Variants in OTUD1 observed in about 807,000 individuals in gnomAD.
The protein encoded by OTUD1 is OTU domain-containing protein 1.
OTUD1 carries 15 observed loss-of-function variants against 30.0 expected under a neutral mutation model. The ratio of observed to expected loss-of-function variants is 0.50; its 90% CI spans 0.33 to 0.77. The LOEUF (loss-of-function observed/expected upper bound fraction) is 0.77, where lower values mean the gene tolerates loss of function less well. Ranked by LOEUF, OTUD1 falls within the 30% of genes least tolerant of loss-of-function variation. OTUD1 has a pLI of 0.02. For missense variants in OTUD1, 796 were observed against 697.8 expected (o/e 1.14, Z -1.59); for synonymous variants, 381 against 326.3 (o/e 1.17, Z -1.81).
In OTUD1 at chr10:23,441,061, GC is replaced by G. The variant is rs1426581179; in HGVS notation, c.*159del. On this transcript the variant is annotated 3_prime_UTR_variant, in exon 1 of 1. Transcript: ENST00000376495. The stretch of plus-strand genomic sequence containing the variant: ...TCATCTTTTTGAATGTTTTCTCAGA[GC>G]TGGAGGTTGCTGGGCACCTAAATGA... The G allele has an allele frequency of 5.1e-6, 4 of 778,598 alleles. No homozygotes were observed. In the African/African-American group the frequency reaches 7.1e-5, roughly 14 times the overall value. 48.2% of individuals were successfully genotyped at this position (778,598 alleles called of 1,614,324 possible).
rs1212761723 is a variant in OTUD1 at position 23,439,830 on chromosome 10, C to T, written c.373C>T (p.Leu125=). 8.9e-7 allele frequency: 1 copy of T among 1,123,678 alleles called. No individual in the cohort carries two copies. Among genetic ancestry groups the T allele is most frequent in the Non-Finnish European group, 1.1e-6 (1 of 922,136 alleles). The allele number at this position is 1,123,678 out of a possible 1,614,324, so 69.6% of individuals were successfully genotyped here. A position where few individuals can be genotyped will look rare whatever the true frequency, so the allele number is the denominator to read the frequency against. Residue 125 remains leucine (L), a synonymous_variant, in exon 1 of 1, where the codon CTG becomes TTG. Coordinates refer to ENST00000376495, the MANE Select transcript of OTUD1 (RefSeq NM_001145373.3). ...GCGGGCCCTGGGCGCCGACAGGCTC[C>T]TGCTGCACGGGCCCGATCCCGTTCC... ...TVRALGADRL[L]LHGPDPVPGA...
rs1353764246 is a variant in OTUD1, at chr10:23,439,099, C to T, written c.-359C>T. Among the ~76,000 whole-genome samples, 1 of 150,598 alleles carries T rather than the reference C, an allele frequency of 6.6e-6. No individual in the cohort carries two copies. Among genetic ancestry groups the T allele is most frequent in the African/African-American group, 2.4e-5 (1 of 41,278 alleles). The stretch of plus-strand genomic sequence containing the variant: ...CCTCCGCGCGCACCGCGCTCCTCCT[C>T]GCCGGCGGGACGCGCTCCAACGGGG... On this transcript the variant is annotated 5_prime_UTR_variant, in exon 1 of 1. Coordinates refer to ENST00000376495, the MANE Select transcript of OTUD1 (RefSeq NM_001145373.3).
rs529636634 is a variant in OTUD1 at position 23,440,458 on chromosome 10, G to T, written c.1001G>T (p.Ser334Ile). 1.7e-5 allele frequency: 26 copies of T among 1,551,630 alleles called. No homozygotes were observed. The highest frequency in any genetic ancestry group is 2.3e-5 in the Non-Finnish European group (26 of 1,147,016). The change falls in exon 1 of 1, where the codon AGC becomes ATC. Residue 334 changes from serine (S) to isoleucine (I), a missense_variant. By Grantham distance (142) the Ser-to-Ile change is moderately radical. Coordinates refer to ENST00000376495, the MANE Select transcript of OTUD1 (RefSeq NM_001145373.3). ...AGCAAGACGGTGTATGGGGACCAGA[G>T]CCTGCACCGGGAGTTGAGGGAGCAG... ...AVSKTVYGDQ[S>I]LHRELREQTV...
Position 23,439,195 on chromosome 10 carries a change from G to C in OTUD1, c.-263G>C, listed in dbSNP as rs1254248247. On this transcript the variant is annotated 5_prime_UTR_variant, in exon 1 of 1. Coordinates refer to ENST00000376495, the MANE Select transcript of OTUD1 (RefSeq NM_001145373.3). ...GCAGCTGCAGCGGGCGCGGCGCCCC[G>C]GGTCTGCGGGCCGAGCGCACCGGCA... 5.0e-4 allele frequency among the ~76,000 whole-genome samples: 75 copies of C among 151,280 alleles called. 1 individual carries two copies. In the East Asian group the frequency reaches 0.014, roughly 28 times the overall value.
Position 23,439,519 on chromosome 10 carries a change from C to T in OTUD1, c.62C>T (p.Ala21Val), listed in dbSNP as rs1365792343. 2 of 1,369,206 alleles carry T rather than the reference C, an allele frequency of 1.5e-6. No homozygotes were observed. Among genetic ancestry groups the T allele is most frequent in the Non-Finnish European group, 1.9e-6 (2 of 1,060,938 alleles). 84.8% of individuals were successfully genotyped at this position (1,369,206 alleles called of 1,614,324 possible). A position where few individuals can be genotyped will look rare whatever the true frequency, so the allele number is the denominator to read the frequency against. ...GCCGGGGCCCCGGGTCCCACGGCCG[C>T]CGCCCCCGCGCCACCCGCCGCCGCT... ...YPAGAPGPTAAAPAPPAAATP... is the reference protein window; with the variant it reads ...YPAGAPGPTAVAPAPPAAATP... Residue 21 changes from alanine (A) to valine (V), a missense_variant, in exon 1 of 1, where the codon GCC (alanine) becomes GTC (valine). Transcript: ENST00000376495.
Position 23,439,415 on chromosome 10 carries a change from G to C in OTUD1, c.-43G>C, listed in dbSNP as rs1479287334. On this transcript the variant is annotated 5_prime_UTR_variant, in exon 1 of 1. Transcript: ENST00000376495. ...GCCCGGAGGGTGTGTCCCCCGCTCC[G>C]GGGCTCGCCGCGCCTATAAGGGGCC... 9 of 1,238,722 alleles carry C rather than the reference G, an allele frequency of 7.3e-6. No individual in the cohort carries two copies. The East Asian group carries it at 2.4e-4, about 33-fold the overall frequency. The allele number at this position is 1,238,722 out of a possible 1,614,324, so 76.7% of individuals were successfully genotyped here.
At position 23,440,325 on chromosome 10, in the gene OTUD1, C is replaced by A. The variant is rs1847114033; in HGVS notation, c.868C>A (p.Leu290Met). Residue 290 changes from leucine (L) to methionine (M), a missense_variant, in exon 1 of 1, where the codon CTG becomes ATG. Physicochemically the swap from Leu to Met is conservative, Grantham distance 15. Coordinates refer to ENST00000376495, the MANE Select transcript of OTUD1 (RefSeq NM_001145373.3). ...CAGGTCGGATCCCAGAGACGAGAAG[C>A]TGGCCCTATACCTGGCCGAGGTGGA... ...VSRSDPRDEK[L>M]ALYLAEVEKQ... 7 of 1,551,266 alleles carry A rather than the reference C, an allele frequency of 4.5e-6. No homozygotes were observed. The highest frequency in any genetic ancestry group is 6.1e-6 in the Non-Finnish European group (7 of 1,146,914).
Position 23,440,423 on chromosome 10 carries a change from C to A in OTUD1, c.966C>A (p.Tyr322Ter). 1 of 1,551,710 alleles carries A rather than the reference C, an allele frequency of 6.4e-7. No homozygotes were observed. The highest frequency in any genetic ancestry group is 8.7e-7 in the Non-Finnish European group (1 of 1,147,006). The change falls in exon 1 of 1, where the codon TAC becomes TAA. Residue 322 changes from tyrosine to a stop codon, truncating the protein, a stop_gained. Coordinates refer to ENST00000376495, the MANE Select transcript of OTUD1 (RefSeq NM_001145373.3). LOFTEE classifies it high-confidence loss of function. The stretch of plus-strand genomic sequence containing the variant: ...TCATTCCAGACGGCAACTGCCTCTA[C>A]CGAGCTGTCAGCAAGACGGTGTATG... ...FHIIPDGNCL[Y>*]RAVSKTVYGD... is the part of the protein sequence containing the mutation.
rs898571067 is a variant in OTUD1 at position 23,440,278 on chromosome 10, C to A, written c.821C>A (p.Ala274Glu). 23 of 1,549,688 alleles carry A rather than the reference C, an allele frequency of 1.5e-5. No homozygotes were observed. The highest frequency in any genetic ancestry group is 2.0e-5 in the Admixed American group (1 of 50,974). The part of the protein sequence containing the change: ...AGSIEAAPSS[A>E]AEPVIVSRSD... ...AGCATCGAGGCCGCCCCGAGTAGTGCGGCGGAGCCGGTGATCGTCTCCAGG... is the reference window on the plus strand; with the variant it reads ...AGCATCGAGGCCGCCCCGAGTAGTGAGGCGGAGCCGGTGATCGTCTCCAGG... The change falls in exon 1 of 1, where the codon GCG becomes GAG. Residue 274 changes from alanine (A) to glutamate (E), a missense_variant. Coordinates refer to ENST00000376495, the MANE Select transcript of OTUD1 (RefSeq NM_001145373.3).
chr10:23,439,433 A>T lies in OTUD1; in HGVS notation c.-25A>T, dbSNP rs1847100543. The T allele has an allele frequency of 1.6e-6, 2 of 1,260,514 alleles. No homozygotes were observed. The highest frequency in any genetic ancestry group is 3.2e-5 in the African/African-American group (2 of 62,866). 78.1% of individuals were successfully genotyped at this position (1,260,514 alleles called of 1,614,324 possible). ...CCGCTCCGGGGCTCGCCGCGCCTAT[A>T]AGGGGCCGAGCGGCGGGCAGGGACA... is the stretch of plus-strand genomic sequence containing the variant. On this transcript the variant is annotated 5_prime_UTR_variant, in exon 1 of 1. Coordinates refer to ENST00000376495, the MANE Select transcript of OTUD1 (RefSeq NM_001145373.3).
chr10:23,440,611 G>C lies in OTUD1; in HGVS notation c.1154G>C (p.Gly385Ala). 2.6e-6 allele frequency: 4 copies of C among 1,551,742 alleles called. No individual in the cohort carries two copies. The Admixed American group carries it at 5.9e-5, about 23-fold the overall frequency. The change falls in exon 1 of 1, where the codon GGG becomes GCG. Residue 385 changes from glycine to alanine, a missense_variant. Transcript: ENST00000376495. ...WAGYPELLAMGQMLNVNIHLT... is the reference protein window; with the variant it reads ...WAGYPELLAMAQMLNVNIHLT... ...GGGTACCCGGAGTTGCTGGCCATGG[G>C]GCAGATGCTGAATGTGAATATCCAT...
rs560839207 is a variant in OTUD1, at chr10:23,441,044, T to C, written c.*141T>C. ...TAGGTGTAATGCCTTAATCATCTTT[T>C]TGAATGTTTTCTCAGAGCTGGAGGT... On this transcript the variant is annotated 3_prime_UTR_variant, in exon 1 of 1. Coordinates refer to ENST00000376495, the MANE Select transcript of OTUD1 (RefSeq NM_001145373.3). 5.3e-6 allele frequency: 5 copies of C among 947,016 alleles called. No homozygotes were observed. The highest frequency in any genetic ancestry group is 4.7e-6 in the Non-Finnish European group (3 of 643,738). The allele number at this position is 947,016 out of a possible 1,614,324, so 58.7% of individuals were successfully genotyped here.
Position 23,439,431 on chromosome 10 carries a change from A to G in OTUD1, c.-27A>G, listed in dbSNP as rs762237315. The stretch of plus-strand genomic sequence containing the variant: ...CCCCGCTCCGGGGCTCGCCGCGCCT[A>G]TAAGGGGCCGAGCGGCGGGCAGGGA... On this transcript the variant is annotated 5_prime_UTR_variant, in exon 1 of 1. Transcript: ENST00000376495. 1.0e-5 allele frequency: 13 copies of G among 1,259,890 alleles called. No homozygotes were observed. In the South Asian group the frequency reaches 2.1e-4, roughly 20 times the overall value. 78.0% of individuals were successfully genotyped at this position (1,259,890 alleles called of 1,614,324 possible).
chr10:23,440,831 C>A lies in OTUD1; in HGVS notation c.1374C>A (p.Arg458=). ...AACAAACTCAAGTGCAAAGGAAACG[C>A]GACGAAGAACTTGCCAAATCTATGG... The part of the protein sequence containing the change: ...WCKQTQVQRK[R]DEELAKSMAI... Residue 458 remains arginine, a synonymous_variant, in exon 1 of 1, where the codon CGC becomes CGA. Transcript: ENST00000376495. The A allele has an allele frequency of 6.4e-7, 1 of 1,552,058 alleles. No individual in the cohort carries two copies. Among genetic ancestry groups the A allele is most frequent in the Non-Finnish European group, 8.7e-7 (1 of 1,147,074 alleles).
chr10:23,441,855 C>G lies in OTUD1; in HGVS notation c.*952C>G, dbSNP rs965617664. 1.8e-5 allele frequency: 3 copies of G among 167,024 alleles called. No homozygotes were observed. Among genetic ancestry groups the G allele is most frequent in the Non-Finnish European group, 4.4e-5 (3 of 68,110 alleles). 10.3% of individuals were successfully genotyped at this position (167,024 alleles called of 1,614,324 possible). A position where few individuals can be genotyped will look rare whatever the true frequency, so the allele number is the denominator to read the frequency against. ...AAACTAATGGCATAAATGTCTGGAG[C>G]CAACCTTGGCAGTTATAGCAGGAGA... On this transcript the variant is annotated 3_prime_UTR_variant, in exon 1 of 1. Coordinates refer to ENST00000376495, the MANE Select transcript of OTUD1 (RefSeq NM_001145373.3).
rs757003394 is a variant in OTUD1 at position 23,439,613 on chromosome 10, G to A, written c.156G>A (p.Glu52=). 10 of 1,312,472 alleles carry A rather than the reference G, an allele frequency of 7.6e-6. No individual in the cohort carries two copies. The South Asian group carries it at 1.5e-4, about 19-fold the overall frequency. The allele number at this position is 1,312,472 out of a possible 1,614,324, so 81.3% of individuals were successfully genotyped here. A position where few individuals can be genotyped will look rare whatever the true frequency, so the allele number is the denominator to read the frequency against. The change falls in exon 1 of 1, where the codon GAG becomes GAA. Residue 52 remains glutamate, a synonymous_variant. Transcript: ENST00000376495. ...AGAAPEPETG[E]CQPAAAAEHR... is the part of the protein sequence containing the mutation. The stretch of plus-strand genomic sequence containing the variant: ...CCGCGCCCGAGCCCGAGACCGGTGA[G>A]TGCCAGCCCGCCGCGGCCGCCGAGC...
rs1847121937 is a variant in OTUD1, at chr10:23,440,997, A to G, written c.*94A>G. The G allele has an allele frequency of 7.6e-7, 1 of 1,315,446 alleles. No individual in the cohort carries two copies. Among genetic ancestry groups the G allele is most frequent in the Admixed American group, 2.7e-5 (1 of 37,356 alleles). The allele number at this position is 1,315,446 out of a possible 1,614,324, so 81.5% of individuals were successfully genotyped here. On this transcript the variant is annotated 3_prime_UTR_variant, in exon 1 of 1. Coordinates refer to ENST00000376495, the MANE Select transcript of OTUD1 (RefSeq NM_001145373.3). ...TTTAATCAGGGTAATAGCACTTTCA[A>G]ACTTGCTAGTAGATTTTACTGTAGG...
rs1476488564 is a variant in OTUD1 at position 23,439,282 on chromosome 10, G to C, written c.-176G>C. 6.6e-6 allele frequency among the ~76,000 whole-genome samples: 1 copy of C among 151,582 alleles called. No individual in the cohort carries two copies. Among genetic ancestry groups the C allele is most frequent in the Non-Finnish European group, 1.5e-5 (1 of 67,816 alleles). ...CTGTGGCGCAGCAGGAATTTGGCCG[G>C]GACCCGGGCGCTATTCGCGGCTGCT... is the stretch of plus-strand genomic sequence containing the variant. On this transcript the variant is annotated 5_prime_UTR_variant, in exon 1 of 1. Coordinates refer to ENST00000376495, the MANE Select transcript of OTUD1 (RefSeq NM_001145373.3).
In OTUD1 at chr10:23,441,121, A is replaced by T. The variant is rs1218738925; in HGVS notation, c.*218A>T. On this transcript the variant is annotated 3_prime_UTR_variant, in exon 1 of 1. Transcript: ENST00000376495. ...GATAGCTTTGGGTGATTTTACTGCT[A>T]TTTATAATTTGCTGTATAAAGTGAG... 3.5e-6 allele frequency: 2 copies of T among 574,684 alleles called. No homozygotes were observed. Among genetic ancestry groups the T allele is most frequent in the African/African-American group, 3.8e-5 (2 of 53,212 alleles). The allele number at this position is 574,684 out of a possible 1,614,324, so 35.6% of individuals were successfully genotyped here. A position where few individuals can be genotyped will look rare whatever the true frequency, so the allele number is the denominator to read the frequency against.
Sources: gnomAD v4.1 joint callset for allele counts (sites outside exome capture counted in the v4.1 genomes callset) on GRCh38, gnomAD v4.1.1 for gene constraint, MANE v1.5 for transcripts, NCBI Gene and HGNC (gene_info 2026-07-23, HGNC 2026-07-21) for gene names.